SLAMF1: variants seen among roughly 807,000 people sequenced by gnomAD.
The protein encoded by SLAMF1 is signaling lymphocytic activation molecule family member 1.
SLAMF1 carries 18 observed loss-of-function variants against 35.1 expected under a neutral mutation model. The ratio of observed to expected loss-of-function variants is 0.51; its 90% CI spans 0.35 to 0.76. The LOEUF (loss-of-function observed/expected upper bound fraction) is 0.76, where lower values mean the gene tolerates loss of function less well. SLAMF1 is among the 30% of genes least tolerant of loss of function. The pLI, the probability that SLAMF1 is intolerant of heterozygous loss-of-function variation, is 0.01. For synonymous variants in SLAMF1, 168 were observed against 157.2 expected (o/e 1.07, Z -0.51); for missense variants, 392 against 413.0 (o/e 0.95, Z 0.44).
At chr1:160,612,320 G>T (rs973824251) in intron 6 of SLAMF1, among the ~76,000 whole-genome samples, 168 bp downstream of exon 6, 2 of 151,464 alleles carry the variant, frequency 1.3e-5, no homozygotes, top group Non-Finnish European at 2.9e-5. Context: ...CTTGTGTCAT[G>T]AGGATTTGTT....
In SLAMF1 at chr1:160,610,596, T is replaced by C. The variant is rs1570957766; in HGVS notation, c.*152A>G. On this transcript the variant is annotated 3_prime_UTR_variant, in exon 7 of 7. Transcript: ENST00000302035. ...CACTTCCTTGTTCATTTCACAGATG[T>C]ATGTGGAAGAAACATCACCAGGGAG... The C allele has an allele frequency of 1.2e-5, 8 of 650,396 alleles. No individual in the cohort carries two copies. The South Asian group carries it at 1.5e-4, about 12-fold the overall frequency. 40.3% of individuals were successfully genotyped at this position (650,396 alleles called of 1,614,324 possible). A position where few individuals can be genotyped will look rare whatever the true frequency, so the allele number is the denominator to read the frequency against.
chr1:160,619,889 C>T, intron 4 of SLAMF1, 40 bp from the exon 5 acceptor site: 1 of 1,359,230 alleles, frequency 7.4e-7, no homozygotes, highest in South Asian at 1.2e-5. Context: ...CCCTCTGGTC[C>T]CCAGCAGGAG....
chr1:160,644,991 G>A (rs576592598), intron 1 of SLAMF1, among the ~76,000 whole-genome samples: 41 of 152,196 alleles, frequency 2.7e-4, no homozygotes, highest in Non-Finnish European at 5.3e-4. Flanking sequence ...GGGAGGCTAT[G>A]TATGTATGGG....
At chr1:160,614,575 CAAAAA>C (rs58447871) in intron 5 of SLAMF1, among the ~76,000 whole-genome samples, 5 of 140,666 alleles carry the variant, frequency 3.6e-5, no homozygotes, top group Non-Finnish European at 3.0e-5. Context: ...TCCGCATCAC[CAAAAA>C]AAAAAAAAAA....
At chr1:160,619,638 A>T (rs534748618) in intron 5 of SLAMF1, 138 bp downstream of exon 5, 21 of 691,584 alleles carry the variant, frequency 3.0e-5, no homozygotes, top group Non-Finnish European at 4.7e-5. Flanking sequence ...CTTTAGGAGA[A>T]CTCTTGTTCT....
At chr1:160,638,437 G>T (rs1660566351) in intron 1 of SLAMF1, among the ~76,000 whole-genome samples, 1 of 152,070 alleles carries the variant, frequency 6.6e-6, no homozygotes, top group Non-Finnish European at 1.5e-5. Flanking sequence ...TCAAGGCTTT[G>T]TTTCGGCAAT....
chr1:160,615,361 C>A (rs1009535484), intron 5 of SLAMF1, among the ~76,000 whole-genome samples: 2 of 151,832 alleles, frequency 1.3e-5, no homozygotes, highest in African/African-American at 4.8e-5. Context: ...GGGAAGTAAA[C>A]CTTAGACTTT....
At chr1:160,626,537 C>CT (rs1659890562) in intron 3 of SLAMF1, among the ~76,000 whole-genome samples, 1 of 152,042 alleles carries the variant, frequency 6.6e-6, no homozygotes, top group Non-Finnish European at 1.5e-5. Context: ...AATCATAGAC[C>CT]TTTTTAACCT....
rs149679180 is a variant in SLAMF1 at position 160,634,670 on chromosome 1, T to C, written c.643A>G (p.Ile215Val). ...CTGAAGGTCTGGGAATTGTTGCTGA[T>C]AGGGTTGCTCACGGTGCAGATGTAG... is the stretch of plus-strand genomic sequence containing the variant. ...NIYICTVSNP[I>V]SNNSQTFSPW... The change falls in exon 3 of 7, where the codon ATC (isoleucine) becomes GTC (valine). Residue 215 changes from isoleucine (I) to valine (V), a missense_variant. Ile to Val is a conservative substitution (Grantham distance 29). Coordinates refer to ENST00000302035, the MANE Select transcript of SLAMF1 (RefSeq NM_003037.5). 8 of 1,613,820 alleles carry C rather than the reference T, an allele frequency of 5.0e-6. No homozygotes were observed. The African/African-American group carries it at 6.7e-5, about 13-fold the overall frequency.
In SLAMF1 at chr1:160,637,393, C is replaced by G. The variant is rs1373585681; in HGVS notation, c.213G>C (p.Glu71Asp). ...HIVVTMAKSL[E>D]NSVENKIVSL... ...ACACTATTTTGTTCTCGACACTGTTCTCCAGTGATTTTGCCATTGTGACGA... is the reference window on the plus strand; with the variant it reads ...ACACTATTTTGTTCTCGACACTGTTGTCCAGTGATTTTGCCATTGTGACGA... Residue 71 changes from glutamate (E) to aspartate (D), a missense_variant, in exon 2 of 7, where the codon GAG becomes GAC. By Grantham distance (45) the Glu-to-Asp change is conservative. Coordinates refer to ENST00000302035, the MANE Select transcript of SLAMF1 (RefSeq NM_003037.5). The G allele has an allele frequency of 6.2e-7, 1 of 1,614,060 alleles. No homozygotes were observed. The highest frequency in any genetic ancestry group is 1.1e-5 in the South Asian group (1 of 91,080).
chr1:160,618,606 G>A (rs1659440476), intron 5 of SLAMF1, among the ~76,000 whole-genome samples: 1 of 152,172 alleles, frequency 6.6e-6, no homozygotes, highest in African/African-American at 2.4e-5. Flanking sequence ...AGTCTTGCAG[G>A]TCAGCTCAGA....
At position 160,637,527 on chromosome 1, in the gene SLAMF1, C is replaced by T. The variant is rs1254843184; in HGVS notation, c.79G>A (p.Gly27Arg). The change falls in exon 2 of 7, where the codon GGG becomes AGG. Residue 27 changes from glycine to arginine, a missense_variant and splice_region_variant. By Grantham distance (125) the Gly-to-Arg change is moderately radical. Coordinates refer to ENST00000302035, the MANE Select transcript of SLAMF1 (RefSeq NM_003037.5). ...ATCTTTGGGCAGTTCATCATGCGCCCACCTGTGGGAGGGAGGAGAAGAGAG... is the reference window on the plus strand; with the variant it reads ...ATCTTTGGGCAGTTCATCATGCGCCTACCTGTGGGAGGGAGGAGAAGAGAG... The part of the protein sequence containing the change: ...LAFGASYGTG[G>R]RMMNCPKILR... The T allele has an allele frequency of 6.2e-7, 1 of 1,607,134 alleles. No homozygotes were observed. Among genetic ancestry groups the T allele is most frequent in the Non-Finnish European group, 8.5e-7 (1 of 1,178,854 alleles).
At chr1:160,613,851 C>A (rs1659140926) in intron 5 of SLAMF1, among the ~76,000 whole-genome samples, 1 of 152,220 alleles carries the variant, frequency 6.6e-6, no homozygotes, top group Admixed American at 6.5e-5. Flanking sequence ...TAATGAAGAT[C>A]TTTCTAATGG....
chr1:160,644,952 A>G (rs568965360), intron 1 of SLAMF1, among the ~76,000 whole-genome samples: 2 of 152,294 alleles, frequency 1.3e-5, no homozygotes, highest in South Asian at 4.2e-4. Context: ...TAACAAATGT[A>G]CCATCCTGGT....
intron 1 of SLAMF1, among the ~76,000 whole-genome samples, chr1:160,645,756 A>C (rs530097728): frequency 1.3e-5 from 2 of 152,290 alleles, no homozygotes; most frequent in South Asian, 4.2e-4. Context: ...GGATCTGCAG[A>C]TTCCAAAAGA....
intron 3 of SLAMF1, 90 bp downstream of exon 3, chr1:160,634,523 T>C (rs1480978300): frequency 1.4e-6 from 2 of 1,444,928 alleles, no homozygotes; most frequent in African/African-American, 1.4e-5. Context: ...GTTACTAAGG[T>C]GAATGCCATG....
At chr1:160,641,825 G>A (rs891111771) in intron 1 of SLAMF1, among the ~76,000 whole-genome samples, 6 of 152,162 alleles carry the variant, frequency 3.9e-5, no homozygotes, top group African/African-American at 1.4e-4. Context: ...CTGTGATTCA[G>A]CCAGCCCTTA....
chr1:160,635,206 T>C (rs756128606), intron 2 of SLAMF1, among the ~76,000 whole-genome samples: 3 of 152,254 alleles, frequency 2.0e-5, no homozygotes, highest in Non-Finnish European at 4.4e-5. Flanking sequence ...CTCCTATCAG[T>C]GGAGTTTGCT....
chr1:160,610,535 AGCCACT>A lies in SLAMF1; in HGVS notation c.*207_*212del. On this transcript the variant is annotated 3_prime_UTR_variant, in exon 7 of 7. Coordinates refer to ENST00000302035, the MANE Select transcript of SLAMF1 (RefSeq NM_003037.5). ...AAGTAACGCTCTGTTCTGCGCCTGC[AGCCACT>A]GCACAGCAAGCTAAATTCTTGGGAA... 1.7e-6 allele frequency: 1 copy of A among 586,856 alleles called. No individual in the cohort carries two copies. The highest frequency in any genetic ancestry group is 3.1e-6 in the Non-Finnish European group (1 of 322,402). 36.4% of individuals were successfully genotyped at this position (586,856 alleles called of 1,614,324 possible). A position where few individuals can be genotyped will look rare whatever the true frequency, so the allele number is the denominator to read the frequency against.
Sources: gnomAD v4.1 joint callset for allele counts (sites outside exome capture counted in the v4.1 genomes callset) on GRCh38, gnomAD v4.1.1 for gene constraint, MANE v1.5 for transcripts, NCBI Gene and HGNC (gene_info 2026-07-23, HGNC 2026-07-21) for gene names.